Variants in ADAMTSL1 observed in about 807,000 individuals in gnomAD.
ADAMTSL1 encodes ADAMTS like 1.
In ADAMTSL1, 126 loss-of-function variants were observed where a neutral mutation model predicts 201.8. The observed-to-expected ratio is 0.62, with a 90% confidence interval of 0.54 to 0.72. The LOEUF is 0.72. Among genes scored for constraint, ADAMTSL1 ranks in the 30% least tolerant of loss-of-function variants. The pLI, the probability that ADAMTSL1 is intolerant of heterozygous loss-of-function variation, is 0.00. For missense variants in ADAMTSL1, 2,679 were observed against 2,277.8 expected (o/e 1.18, Z -3.59); for synonymous variants, 1,121 against 903.4 (o/e 1.24, Z -4.32).
chr9:18,553,406 T>C (rs1198250119), intron 3 of ADAMTSL1, among the ~76,000 whole-genome samples: 2 of 151,728 alleles, frequency 1.3e-5, no homozygotes, highest in East Asian at 3.9e-4. Context: ...CTCAGATTTA[T>C]GTGCTATTTT....
Position 18,829,836 on chromosome 9 carries a change from C to G in ADAMTSL1, c.4115-7C>G. On this transcript the variant is annotated splice_polypyrimidine_tract_variant and splice_region_variant and intron_variant, in intron 22 of 28. Transcript: ENST00000380548. Reference sequence around the variant, plus strand: ...ACCTGCCTGATCCACCCTCTGCCTTCTCACAGATCCCCCCCAAGTCCCCAC... The same window carrying G: ...ACCTGCCTGATCCACCCTCTGCCTTGTCACAGATCCCCCCCAAGTCCCCAC... 6.2e-7 allele frequency: 1 copy of G among 1,613,946 alleles called. No homozygotes were observed. The highest frequency in any genetic ancestry group is 8.5e-7 in the Non-Finnish European group (1 of 1,179,846).
At chr9:18,577,723 G>C (rs370250001) in intron 4 of ADAMTSL1, among the ~76,000 whole-genome samples, 6 of 152,106 alleles carry the variant, frequency 3.9e-5, no homozygotes, top group Admixed American at 2.6e-4. Flanking sequence ...TATTAAACTA[G>C]TGGTTCCCTG....
At chr9:18,600,587 T>G (rs182312068) in intron 4 of ADAMTSL1, among the ~76,000 whole-genome samples, 1 of 152,280 alleles carries the variant, frequency 6.6e-6, no homozygotes, top group East Asian at 1.9e-4. Context: ...TGAGAAACAG[T>G]AGAAAAGAGA....
chr9:18,342,150 C>T (rs542579095), intron 2 of ADAMTSL1, among the ~76,000 whole-genome samples: 2 of 152,256 alleles, frequency 1.3e-5, no homozygotes, highest in Admixed American at 6.5e-5. Context: ...TTTTTCTTCT[C>T]CCAGTGTCTA....
At position 18,224,444 on chromosome 9, in the gene ADAMTSL1, C is replaced by A. The variant is rs147318011; in HGVS notation, c.207+60463C>A. On this transcript the variant is annotated intron_variant, in intron 2 of 29. Coordinates refer to the ADAMTSL1 transcript ENST00000680146. ...TAAACACCTCCCCAAAAGCCCACCTCCCAACACTATTGCACTGGAGATTAC... is the reference window on the plus strand; with the variant it reads ...TAAACACCTCCCCAAAAGCCCACCTACCAACACTATTGCACTGGAGATTAC... Among the ~76,000 whole-genome samples, 778 of 152,230 alleles carry A rather than the reference C, an allele frequency of 5.1e-3. 5 individuals carry two copies. Among genetic ancestry groups the A allele is most frequent in the African/African-American group, 0.017 (723 of 41,554 alleles).
chr9:18,321,506 A>G (rs569905237), intron 2 of ADAMTSL1, among the ~76,000 whole-genome samples: 1 of 152,276 alleles, frequency 6.6e-6, no homozygotes, highest in African/African-American at 2.4e-5. Context: ...CAAAATACAT[A>G]TTTTTGGCTG....
At chr9:18,655,441 A>G (rs971032628) in intron 7 of ADAMTSL1, among the ~76,000 whole-genome samples, 1 of 152,200 alleles carries the variant, frequency 6.6e-6, no homozygotes, top group Non-Finnish European at 1.5e-5. Context: ...AAGGAGGTCA[A>G]AATTACATAT....
chr9:18,826,560 C>T, intron 22 of ADAMTSL1, 97 bp downstream of exon 22: 2 of 1,400,638 alleles, frequency 1.4e-6, no homozygotes, highest in Non-Finnish European at 1.9e-6. Flanking sequence ...CAATTAAGGA[C>T]ATAAAAGGTA....
chr9:17,929,040 G>A (rs2131313117), intron 1 of ADAMTSL1, among the ~76,000 whole-genome samples: 1 of 152,144 alleles, frequency 6.6e-6, no homozygotes, highest in Non-Finnish European at 1.5e-5. Flanking sequence ...GTTGGTAGAA[G>A]GAAAGGCTTG....
chr9:18,160,234 GCAA>G (rs1335891639), intron 1 of ADAMTSL1, among the ~76,000 whole-genome samples: 1 of 152,030 alleles, frequency 6.6e-6, no homozygotes, highest in Non-Finnish European at 1.5e-5. Flanking sequence ...AGAAGGAGAA[GCAA>G]TCTTCATCAC....
intron 15 of ADAMTSL1, among the ~76,000 whole-genome samples, chr9:18,750,915 C>T (rs1048501459): frequency 1.3e-5 from 2 of 152,188 alleles, no homozygotes; most frequent in African/African-American, 2.4e-5. Flanking sequence ...TTCCTTAAGA[C>T]TCTCTGGGTA....
At chr9:18,253,157 A>G (rs1229777858) in intron 2 of ADAMTSL1, among the ~76,000 whole-genome samples, 1 of 152,124 alleles carries the variant, frequency 6.6e-6, no homozygotes, top group Non-Finnish European at 1.5e-5. Flanking sequence ...GTATGGTACT[A>G]TCTCATTTCT....
intron 2 of ADAMTSL1, among the ~76,000 whole-genome samples, chr9:18,528,041 C>A (rs1819200876): frequency 2.6e-5 from 4 of 151,994 alleles, no homozygotes. Flanking sequence ...CCATGCCCGG[C>A]TAATTTTTGT....
chr9:18,797,108 A>G (rs1822469767), intron 20 of ADAMTSL1, among the ~76,000 whole-genome samples: 1 of 152,184 alleles, frequency 6.6e-6, no homozygotes, highest in Non-Finnish European at 1.5e-5. Context: ...GTTCAAAGCC[A>G]GGGAAGAGAG....
At chr9:18,751,799 G>T (rs1819483947) in intron 15 of ADAMTSL1, among the ~76,000 whole-genome samples, 1 of 152,176 alleles carries the variant, frequency 6.6e-6, no homozygotes, top group Admixed American at 6.5e-5. Context: ...ATTTTGAAGG[G>T]CAAGGAAAGG....
At position 18,063,371 on chromosome 9, in the gene ADAMTSL1, T is replaced by C. The variant is rs748130995; in HGVS notation, c.88-100491T>C. On this transcript the variant is annotated intron_variant, in intron 1 of 29. Transcript: ENST00000680146. ...TATTAAACAAATTGTAAAAGGTTCA[T>C]GTGTATAGCCTTCTATTTTGTAACA... Among the ~76,000 whole-genome samples the C allele has an allele frequency of 3.3e-5, 5 of 152,170 alleles. No homozygotes were observed. In the East Asian group the frequency reaches 5.8e-4, roughly 18 times the overall value.
rs1818391871 is a variant in ADAMTSL1, at chr9:17,975,105, C to T, written c.87+68183C>T. ...TATTATGTCTTTGATTCGTATTTCACAGAAAGTCGTGATGTCAAGCATCTT... is the reference window on the plus strand; with the variant it reads ...TATTATGTCTTTGATTCGTATTTCATAGAAAGTCGTGATGTCAAGCATCTT... On this transcript the variant is annotated intron_variant, in intron 1 of 29. Transcript: ENST00000680146. Among the ~76,000 whole-genome samples, 3 of 152,014 alleles carry T rather than the reference C, an allele frequency of 2.0e-5. No individual in the cohort carries two copies. In the South Asian group the frequency reaches 6.2e-4, roughly 32 times the overall value.
chr9:18,586,618 A>C (rs948805104), intron 4 of ADAMTSL1, among the ~76,000 whole-genome samples: 1 of 152,174 alleles, frequency 6.6e-6, no homozygotes, highest in African/African-American at 2.4e-5. Context: ...ATGGAATTTT[A>C]AAAAGAGCCC....
At chr9:18,060,049 C>G (rs1468129217) in intron 1 of ADAMTSL1, among the ~76,000 whole-genome samples, 1 of 152,120 alleles carries the variant, frequency 6.6e-6, no homozygotes, top group Non-Finnish European at 1.5e-5. Flanking sequence ...CCTAGCTACC[C>G]AGTTGAGCTC....
Sources: gnomAD v4.1 joint callset for allele counts (sites outside exome capture counted in the v4.1 genomes callset) on GRCh38, gnomAD v4.1.1 for gene constraint, MANE v1.5 for transcripts, NCBI Gene and HGNC (gene_info 2026-07-23, HGNC 2026-07-21) for gene names.